Variants in RBKS observed in about 807,000 individuals in gnomAD.
RBKS encodes the protein ribokinase.
A neutral mutation model predicts 33.9 loss-of-function variants in RBKS; 33 were observed. The observed-to-expected ratio is 0.97, with a 90% CI of 0.74 to 1.30. The LOEUF (loss-of-function observed/expected upper bound fraction) is 1.30, where lower values mean the gene tolerates loss of function less well. Among genes scored for constraint, RBKS ranks in the 50% most tolerant of loss-of-function variants. The probability of loss-of-function intolerance (pLI) is 0.00; values close to 1 mark genes in which losing one functional copy is unlikely to be tolerated. For missense variants in RBKS, 361 were observed against 392.6 expected, an observed-to-expected ratio of 0.92 and a Z score of 0.68; for synonymous variants, 125 against 143.0, an observed-to-expected ratio of 0.87 and a Z score of 0.90.
rs1366051541 is a variant in RBKS at position 27,850,229 on chromosome 2, T to C, written c.223-2132A>G. On this transcript the variant is annotated intron_variant, in intron 2 of 7. Transcript: ENST00000302188. ...GAGAGTAGAAAGTACAGAGTTCCCA[T>C]ATACTCTCTGTCTCCTCCGGCAACT... is the stretch of plus-strand genomic sequence containing the variant. Among the ~76,000 whole-genome samples, 5 of 152,206 alleles carry C rather than the reference T, an allele frequency of 3.3e-5. No homozygotes were observed. The South Asian group carries it at 8.3e-4, about 25-fold the overall frequency.
chr2:27,819,567 C>G (rs1558540940), intron 7 of RBKS, among the ~76,000 whole-genome samples: 1 of 152,170 alleles, frequency 6.6e-6, no homozygotes, highest in African/African-American at 2.4e-5. Context: ...TGAGGCATCA[C>G]CTATTGGCCG....
At chr2:27,805,363 G>T (rs190784850) in intron 7 of RBKS, among the ~76,000 whole-genome samples, 14 of 152,206 alleles carry the variant, frequency 9.2e-5, no homozygotes, top group African/African-American at 3.1e-4. Context: ...AATGAGCACT[G>T]AGCTTCCTCC....
At chr2:27,816,165 A>G (rs1301696918) in intron 7 of RBKS, among the ~76,000 whole-genome samples, 2 of 152,218 alleles carry the variant, frequency 1.3e-5, no homozygotes, top group African/African-American at 2.4e-5. Context: ...AGCAGTTACA[A>G]TTAGATTTCT....
At position 27,890,206 on chromosome 2, in the gene RBKS, G is replaced by A. The variant is rs758539982; in HGVS notation, c.89+51C>T. Reference sequence around the variant, plus strand: ...AAGCTCCACTGGGCGCATAGCGCACGGCACGCCTCCTCCCCCGAGCCGCAG... The same window carrying A: ...AAGCTCCACTGGGCGCATAGCGCACAGCACGCCTCCTCCCCCGAGCCGCAG... On this transcript the variant is annotated intron_variant, in intron 1 of 7. Transcript: ENST00000302188. This position sits in a 1 kb window ranked among gnomAD's most constrained non-coding sequence, Gnocchi z 4.8. The A allele has an allele frequency of 3.8e-6, 6 of 1,563,514 alleles. No homozygotes were observed. The East Asian group carries it at 1.4e-4, about 35-fold the overall frequency.
chr2:27,789,925 G>GTGTA (rs1677480780), intron 7 of RBKS, among the ~76,000 whole-genome samples: 2 of 130,628 alleles, frequency 1.5e-5, no homozygotes, highest in African/African-American at 5.8e-5. Flanking sequence ...GTTTGTGTGT[G>GTGTA]TATATATATA....
chr2:27,816,403 GTCT>G (rs1317913666), intron 7 of RBKS, among the ~76,000 whole-genome samples: 3 of 152,166 alleles, frequency 2.0e-5, no homozygotes, highest in Non-Finnish European at 4.4e-5. Context: ...ACAACTTTTT[GTCT>G]TCTTCATTTT....
At chr2:27,857,867 CCACAAGAATTGAAA>C (rs1233005381) in intron 2 of RBKS, among the ~76,000 whole-genome samples, 1 of 152,126 alleles carries the variant, frequency 6.6e-6, no homozygotes, top group Non-Finnish European at 1.5e-5. Context: ...CAATAAACTT[CCACAAGAATTGAAA>C]GCAGGTACTC....
At chr2:27,784,714 C>A (rs1262191293) in intron 7 of RBKS, among the ~76,000 whole-genome samples, 1 of 152,184 alleles carries the variant, frequency 6.6e-6, no homozygotes, top group Non-Finnish European at 1.5e-5. Context: ...CTTGTTTACA[C>A]AGACAAAGCC....
chr2:27,796,225 AT>A (rs11322614), intron 7 of RBKS, among the ~76,000 whole-genome samples: 43,643 of 150,978 alleles, frequency 0.29, 7,041 homozygotes, highest in East Asian at 0.59. Context: ...CACTGGTATG[AT>A]TTTTTTTTTA....
Position 27,837,052 on chromosome 2 carries a change from C to T in RBKS, c.515-4275G>A, listed in dbSNP as rs1678540458. ...CTTTGGGCGGCCGAGGCAGGCAGAT[C>T]ACGAGGATCGGGAGATTAAGATCAT... On this transcript the variant is annotated intron_variant, in intron 5 of 7. Transcript: ENST00000302188. The surrounding 1 kb of genome is among the most constrained non-coding windows in gnomAD (Gnocchi z 4.0). 6.6e-6 allele frequency among the ~76,000 whole-genome samples: 1 copy of T among 152,010 alleles called. No homozygotes were observed. Among genetic ancestry groups the T allele is most frequent in the Non-Finnish European group, 1.5e-5 (1 of 68,038 alleles).
chr2:27,822,850 T>C (rs779553994), intron 7 of RBKS, among the ~76,000 whole-genome samples: 6 of 152,198 alleles, frequency 3.9e-5, no homozygotes, highest in Non-Finnish European at 8.8e-5. Context: ...ACAGAGTGAG[T>C]GATTCTTGAG....
In RBKS at chr2:27,818,703, G is replaced by A. The variant is rs552852915; in HGVS notation, c.795+8864C>T. 3.4e-4 allele frequency among the ~76,000 whole-genome samples: 52 copies of A among 152,272 alleles called. No individual in the cohort carries two copies. In the South Asian group the frequency reaches 0.01, roughly 30 times the overall value. On this transcript the variant is annotated intron_variant, in intron 7 of 7. Coordinates refer to ENST00000302188, the MANE Select transcript of RBKS (RefSeq NM_022128.3). ...GTGTGGTGCCCAGCTTTTATTATTA[G>A]CCTAAAGAATCCTCATGCCCCCAAA...
chr2:27,788,294 A>C (rs1677441592), intron 7 of RBKS, among the ~76,000 whole-genome samples: 1 of 152,232 alleles, frequency 6.6e-6, no homozygotes, highest in Admixed American at 6.5e-5. Context: ...GGAAGAAGTA[A>C]AACACTTTTT....
chr2:27,856,903 G>C (rs1306628620), intron 2 of RBKS, among the ~76,000 whole-genome samples: 1 of 152,140 alleles, frequency 6.6e-6, no homozygotes, highest in Non-Finnish European at 1.5e-5. Context: ...ACCTCTCACA[G>C]ACCCATAATT....
At chr2:27,785,734 C>T (rs893304764) in intron 7 of RBKS, among the ~76,000 whole-genome samples, 4 of 150,938 alleles carry the variant, frequency 2.7e-5, no homozygotes, top group African/African-American at 9.8e-5. Flanking sequence ...TGCACTTCAG[C>T]CTGGGTGACA....
intron 5 of RBKS, among the ~76,000 whole-genome samples, chr2:27,841,137 T>C (rs985988063): frequency 4.6e-5 from 7 of 152,074 alleles, no homozygotes; most frequent in African/African-American, 1.7e-4. Context: ...CGGAAGGTGA[T>C]GGAGGAAGCC....
intron 7 of RBKS, among the ~76,000 whole-genome samples, chr2:27,798,200 G>A (rs1677697147): frequency 6.6e-6 from 1 of 152,154 alleles, no homozygotes. Flanking sequence ...TGGGGGGTAT[G>A]TAGCCATACA....
chr2:27,871,777 G>C (rs948499493), intron 1 of RBKS, among the ~76,000 whole-genome samples: 13 of 152,190 alleles, frequency 8.5e-5, no homozygotes, highest in Admixed American at 7.9e-4. Flanking sequence ...CAGCTTAATT[G>C]TCATTTGCCA....
At chr2:27,831,167 CAATA>C (rs1364560902) in intron 6 of RBKS, among the ~76,000 whole-genome samples, 1 of 152,082 alleles carries the variant, frequency 6.6e-6, no homozygotes, top group Non-Finnish European at 1.5e-5. Context: ...CTGAGAGTGA[CAATA>C]AATAATTATT....
Sources: allele counts gnomAD v4.1 joint callset (sites outside exome capture counted in the v4.1 genomes callset), GRCh38; gene constraint gnomAD v4.1.1; non-coding constraint Gnocchi (gnomAD v3.1); transcripts MANE v1.5; gene names NCBI Gene and HGNC (gene_info 2026-07-23, HGNC 2026-07-21).